ANKIB1: variants seen among roughly 807,000 people sequenced by gnomAD.
ANKIB1 encodes the protein ankyrin repeat and IBR domain-containing protein 1.
Under a neutral mutation model 122.1 loss-of-function variants are expected in ANKIB1, and 43 were observed. The observed-to-expected ratio is 0.35, with a 90% CI of 0.28 to 0.45. The LOEUF is 0.45. Among genes scored for constraint, ANKIB1 ranks in the 20% least tolerant of loss-of-function variants. The pLI, the probability that ANKIB1 is intolerant of heterozygous loss-of-function variation, is 1.00. For synonymous variants in ANKIB1, 390 were observed against 442.0 expected, an observed-to-expected ratio of 0.88 and a Z score of 1.48; for missense variants, 992 against 1,329.5, an observed-to-expected ratio of 0.75 and a Z score of 3.95.
chr7:92,299,241 A>G (rs1277896755), intron 2 of ANKIB1, among the ~76,000 whole-genome samples: 1 of 152,222 alleles, frequency 6.6e-6, no homozygotes, highest in African/African-American at 2.4e-5. Context: ...ATTGATGATG[A>G]TAGCTTTTTA....
At position 92,338,893 on chromosome 7, in the gene ANKIB1, CAG is replaced by C. The variant is rs1313130307; in HGVS notation, c.788-4128_788-4127del. Among the ~76,000 whole-genome samples the C allele has an allele frequency of 1.9e-3, 176 of 94,636 alleles. 2 individuals are homozygous for C. The highest frequency in any genetic ancestry group is 7.3e-3 in the African/African-American group (168 of 22,996). 62.1% of individuals were successfully genotyped at this position (94,636 alleles called of 152,430 possible). On this transcript the variant is annotated intron_variant, in intron 5 of 19. Coordinates refer to ENST00000265742, the MANE Select transcript of ANKIB1 (RefSeq NM_019004.2). Reference sequence around the variant, plus strand: ...CACCACTGCACTCCAGCCTGGGCGACAGAGTGAGACTCCATCTCAAAAAAAAA... The same window carrying C: ...CACCACTGCACTCCAGCCTGGGCGACAGTGAGACTCCATCTCAAAAAAAAA...
chr7:92,309,940 A>ATATATATATATATATATAT (rs57536267), intron 3 of ANKIB1, among the ~76,000 whole-genome samples: 110 of 105,106 alleles, frequency 1.0e-3, no homozygotes, highest in African/African-American at 4.2e-3. Flanking sequence ...AAAAAAAAAA[A>ATATATATATATATATATAT]AAATATATAT....
intron 11 of ANKIB1, among the ~76,000 whole-genome samples, chr7:92,383,767 A>G (rs1482993526): frequency 2.6e-5 from 4 of 152,194 alleles, no homozygotes; most frequent in Non-Finnish European, 5.9e-5. Flanking sequence ...ATTTATGACA[A>G]ACCCACAGCC....
intron 4 of ANKIB1, among the ~76,000 whole-genome samples, chr7:92,322,070 C>T (rs906140347): frequency 1.3e-5 from 2 of 152,142 alleles, no homozygotes; most frequent in South Asian, 2.1e-4. Context: ...AAACAACTTC[C>T]GTTTGCCATA....
Position 92,396,368 on chromosome 7 carries a change from T to C in ANKIB1, c.2287T>C (p.Tyr763His). The change falls in exon 18 of 20, where the codon TAT becomes CAT. Residue 763 changes from tyrosine to histidine, a missense_variant. Transcript: ENST00000265742. ...EYLGFASPEE[Y>H]AEFQYRRRHR... The stretch of plus-strand genomic sequence containing the variant: ...TTATAACCTTTGGTTTATGCAGGAA[T>C]ATGCTGAATTTCAGTATCGGAGGAG... 1.3e-6 allele frequency: 2 copies of C among 1,542,454 alleles called. No homozygotes were observed. The highest frequency in any genetic ancestry group is 1.8e-6 in the Non-Finnish European group (2 of 1,125,774).
At chr7:92,307,717 C>A in intron 3 of ANKIB1, 61 bp downstream of exon 3, 2 of 1,235,738 alleles carry the variant, frequency 1.6e-6, no homozygotes, top group South Asian at 2.6e-5. Flanking sequence ...TGATATGTAA[C>A]TGTCAGGTTT....
At chr7:92,275,532 G>A (rs572616205) in intron 1 of ANKIB1, among the ~76,000 whole-genome samples, 175 of 152,238 alleles carry the variant, frequency 1.1e-3, no homozygotes, top group African/African-American at 3.9e-3. Flanking sequence ...TTAACATTGC[G>A]AAATGTGAGG....
chr7:92,255,680 A>G (rs1801421080), intron 1 of ANKIB1, among the ~76,000 whole-genome samples: 1 of 152,210 alleles, frequency 6.6e-6, no homozygotes, highest in Non-Finnish European at 1.5e-5. Flanking sequence ...TTCTTTGAAA[A>G]AAATAGTGCT....
At chr7:92,293,587 C>G (rs1802293134) in intron 1 of ANKIB1, among the ~76,000 whole-genome samples, 1 of 152,148 alleles carries the variant, frequency 6.6e-6, no homozygotes, top group African/African-American at 2.4e-5. Context: ...GTTTTCCTCC[C>G]TCTATTCTAT....
At chr7:92,253,291 G>A (rs1801368722) in intron 1 of ANKIB1, among the ~76,000 whole-genome samples, 1 of 152,084 alleles carries the variant, frequency 6.6e-6, no homozygotes, top group South Asian at 2.1e-4. Flanking sequence ...TTGCCCAGTA[G>A]GCTACCATTC....
intron 5 of ANKIB1, among the ~76,000 whole-genome samples, chr7:92,331,964 A>G (rs972586282): frequency 6.6e-6 from 1 of 152,096 alleles, no homozygotes; most frequent in Non-Finnish European, 1.5e-5. Context: ...TTTTATCCCT[A>G]TTTTTTACAC....
At chr7:92,317,926 A>G (rs1802826939) in intron 3 of ANKIB1, among the ~76,000 whole-genome samples, 1 of 152,230 alleles carries the variant, frequency 6.6e-6, no homozygotes, top group African/African-American at 2.4e-5. Flanking sequence ...GCAGAACTTC[A>G]AGATGGACCC....
intron 11 of ANKIB1, among the ~76,000 whole-genome samples, chr7:92,385,315 C>G (rs538534408): frequency 6.6e-6 from 1 of 152,304 alleles, no homozygotes; most frequent in East Asian, 1.9e-4. Flanking sequence ...TTATGGAAGA[C>G]AGTGTGGCGA....
rs781714639 is a variant in ANKIB1 at position 92,362,255 on chromosome 7, G to A, written c.1468G>A (p.Glu490Lys). 11 of 1,592,098 alleles carry A rather than the reference G, an allele frequency of 6.9e-6. No homozygotes were observed. Among genetic ancestry groups the A allele is most frequent in the African/African-American group, 5.4e-5 (4 of 74,538 alleles). ...TWKNWLQKITEMKPEELVGVS... is the reference protein window; with the variant it reads ...TWKNWLQKITKMKPEELVGVS... ...GAAGAATTGGCTGCAAAAAATAACC[G>A]AAATGAAACCAGAAGAACGTAAGAG... Residue 490 changes from glutamate to lysine, a missense_variant, in exon 10 of 20, where the codon GAA (glutamate) becomes AAA (lysine). This residue lies in a region of ANKIB1 where 521 missense variants were observed against 777.7 expected (regional missense o/e 0.67). Coordinates refer to ENST00000265742, the MANE Select transcript of ANKIB1 (RefSeq NM_019004.2).
At chr7:92,380,828 A>G (rs1804496136) in intron 11 of ANKIB1, among the ~76,000 whole-genome samples, 1 of 152,218 alleles carries the variant, frequency 6.6e-6, no homozygotes, top group African/African-American at 2.4e-5. Flanking sequence ...TGAAAATTCT[A>G]AAAACCAGAG....
intron 5 of ANKIB1, among the ~76,000 whole-genome samples, chr7:92,335,662 A>G (rs1803272494): frequency 6.6e-6 from 1 of 151,930 alleles, no homozygotes; most frequent in African/African-American, 2.4e-5. Context: ...TGATACTAAT[A>G]TAGCACTTTG....
intron 5 of ANKIB1, among the ~76,000 whole-genome samples, chr7:92,329,889 A>G (rs1803126516): frequency 6.6e-6 from 1 of 152,154 alleles, no homozygotes; most frequent in Non-Finnish European, 1.5e-5. Flanking sequence ...CAGTTTTACC[A>G]TTCTTCTTTC....
At chr7:92,368,456 C>T (rs1804149805) in intron 10 of ANKIB1, among the ~76,000 whole-genome samples, 6 of 151,902 alleles carry the variant, frequency 3.9e-5, no homozygotes, top group Admixed American at 3.9e-4. Context: ...GTGACTCATG[C>T]CTGTAATCCC....
chr7:92,374,781 C>T (rs888168395), intron 11 of ANKIB1, among the ~76,000 whole-genome samples: 13 of 151,224 alleles, frequency 8.6e-5, no homozygotes, highest in African/African-American at 3.2e-4. Context: ...ATGCAGAAAT[C>T]AGTGACTTTA....
Sources: gnomAD v4.1 joint callset for allele counts (sites outside exome capture counted in the v4.1 genomes callset) on GRCh38, gnomAD v4.1.1 for gene constraint, gnomAD v4.1.1 regional missense constraint, MANE v1.5 for transcripts, NCBI Gene and HGNC (gene_info 2026-07-23, HGNC 2026-07-21) for gene names.